Variants in RBL2 observed in about 807,000 individuals in gnomAD.
The protein encoded by RBL2 is retinoblastoma-like protein 2.
A neutral mutation model predicts 126.0 loss-of-function variants in RBL2; 56 were observed. The ratio of observed to expected loss-of-function variants is 0.44; its 90% CI spans 0.36 to 0.56. RBL2 has a LOEUF of 0.56. RBL2 is among the 20% of genes least tolerant of loss of function. The pLI is 0.00. For missense variants in RBL2, 1,229 were observed against 1,398.2 expected, an observed-to-expected ratio of 0.88 and a Z score of 1.93; for synonymous variants, 454 against 478.5, an observed-to-expected ratio of 0.95 and a Z score of 0.67.
At chr16:53,435,851 T>C in intron 1 of RBL2, 1 of 1,073,104 alleles carries the variant, frequency 9.3e-7, no homozygotes, top group South Asian at 1.4e-5. Flanking sequence ...GTTCCCTCTT[T>C]GAATTGTTAG....
chr16:53,463,237 A>G (rs1437458777), intron 11 of RBL2, among the ~76,000 whole-genome samples: 1 of 152,190 alleles, frequency 6.6e-6, no homozygotes, highest in Non-Finnish European at 1.5e-5. Flanking sequence ...CAAAATAAAA[A>G]TCATCTATGA....
At chr16:53,448,642 C>T (rs2058086337) in intron 4 of RBL2, 1 of 152,424 alleles carries the variant, frequency 6.6e-6, no homozygotes, top group East Asian at 1.9e-4. Flanking sequence ...CACCATTATA[C>T]CTGGCTAATT....
At chr16:53,441,446 C>A (rs973744144) in intron 2 of RBL2, among the ~76,000 whole-genome samples, 1 of 152,148 alleles carries the variant, frequency 6.6e-6, no homozygotes, top group Admixed American at 6.5e-5. Flanking sequence ...GTTTTGTTAT[C>A]ATGGAATATT....
chr16:53,471,686 C>A (rs569952330), intron 17 of RBL2, among the ~76,000 whole-genome samples: 131 of 152,232 alleles, frequency 8.6e-4, no homozygotes, highest in Non-Finnish European at 1.5e-3. Context: ...CCAGGCAGGT[C>A]TCAAACTCCT....
rs893456952 is a variant in RBL2, at chr16:53,491,304, A to T, written c.*1004A>T. The T allele has an allele frequency of 5.3e-5, 8 of 152,200 alleles. No homozygotes were observed. Among genetic ancestry groups the T allele is most frequent in the African/African-American group, 1.9e-4 (8 of 41,456 alleles). The allele number at this position is 152,200 out of a possible 1,614,324, so 9.4% of individuals were successfully genotyped here. On this transcript the variant is annotated 3_prime_UTR_variant, in exon 22 of 22. Coordinates refer to ENST00000262133, the MANE Select transcript of RBL2 (RefSeq NM_005611.4). Reference sequence around the variant, plus strand: ...TTGGGTGTTCCTGGCAGTTTAAAAAAATTGGTTGGAGAATTTAGGTTTTTA... The same window carrying T: ...TTGGGTGTTCCTGGCAGTTTAAAAATATTGGTTGGAGAATTTAGGTTTTTA...
At chr16:53,485,630 G>C (rs1483554655) in intron 21 of RBL2, among the ~76,000 whole-genome samples, 1 of 152,036 alleles carries the variant, frequency 6.6e-6, no homozygotes, top group Admixed American at 6.5e-5. Context: ...TGAGGTGGGT[G>C]GACTGCCTGA....
chr16:53,476,557 A>T (rs13332447), intron 17 of RBL2, among the ~76,000 whole-genome samples: 7,924 of 152,256 alleles, frequency 0.052, 626 homozygotes, highest in African/African-American at 0.17. Flanking sequence ...TGCCTAGATC[A>T]TCTCTCCATT....
At chr16:53,486,591 A>G (rs1313016654) in intron 21 of RBL2, among the ~76,000 whole-genome samples, 1 of 152,216 alleles carries the variant, frequency 6.6e-6, no homozygotes, top group African/African-American at 2.4e-5. Context: ...ACAAAATCCA[A>G]CATTCATTAA....
intron 17 of RBL2, 136 bp downstream of exon 17, chr16:53,471,058 A>G (rs1170464989): frequency 2.4e-6 from 2 of 823,584 alleles, no homozygotes; most frequent in Admixed American, 3.0e-5. Flanking sequence ...GGGTCTTAGT[A>G]TATTCACAGA....
chr16:53,446,809 T>TA (rs2058066638), intron 3 of RBL2, among the ~76,000 whole-genome samples: 1 of 152,200 alleles, frequency 6.6e-6, no homozygotes. Context: ...CAAAAAACTT[T>TA]AAAAAATTCT....
chr16:53,465,677 G>A, intron 13 of RBL2, 75 bp downstream of exon 13: 1 of 1,240,786 alleles, frequency 8.1e-7, no homozygotes, highest in Non-Finnish European at 1.1e-6. Context: ...TTGGGGATGG[G>A]AGGGTGGCAA....
At chr16:53,479,033 A>T in intron 17 of RBL2, 121 bp from the exon 18 acceptor site, 1 of 743,622 alleles carries the variant, frequency 1.3e-6, no homozygotes, top group Non-Finnish European at 2.3e-6. Context: ...CCATTTCCAG[A>T]GACTTTAAAT....
intron 11 of RBL2, among the ~76,000 whole-genome samples, chr16:53,463,561 CT>C (rs770657237): frequency 3.5e-3 from 334 of 94,394 alleles, no homozygotes; most frequent in African/African-American, 0.01. Context: ...TTTTTTTTTC[CT>C]TTTTTTTTTT....
intron 11 of RBL2, 52 bp from the exon 12 acceptor site, chr16:53,464,174 T>C: frequency 7.2e-7 from 1 of 1,383,920 alleles, no homozygotes; most frequent in Non-Finnish European, 9.7e-7. Context: ...GGGTATGAAA[T>C]GACTTTTTAG....
intron 4 of RBL2, among the ~76,000 whole-genome samples, chr16:53,450,006 C>G (rs1402406688): frequency 2.4e-5 from 3 of 126,558 alleles, no homozygotes; most frequent in African/African-American, 6.0e-5. Context: ...ACACCAGTAA[C>G]AAGTTTAGGC....
At chr16:53,448,535 G>T (rs1423134257) in intron 4 of RBL2, among the ~76,000 whole-genome samples, 1 of 152,080 alleles carries the variant, frequency 6.6e-6, no homozygotes, top group Non-Finnish European at 1.5e-5. Flanking sequence ...CCAGGCTGGA[G>T]TGCAGTGGTA....
intron 14 of RBL2, 82 bp downstream of exon 14, chr16:53,467,251 A>C: frequency 1.8e-6 from 2 of 1,131,352 alleles, no homozygotes; most frequent in Non-Finnish European, 2.6e-6. Flanking sequence ...AGTGAAGTTA[A>C]TAGGGTATAC....
rs2058152018 is a variant in RBL2, at chr16:53,454,845, G to A, written c.1179+3G>A. On this transcript the variant is annotated splice_donor_region_variant and intron_variant, in intron 8 of 21. Transcript: ENST00000262133. ...TCTTACAGCAGCATTTTGACAAGGTGAGTTTAGCCATGCCAGAAGAGTAGA... is the reference window on the plus strand; with the variant it reads ...TCTTACAGCAGCATTTTGACAAGGTAAGTTTAGCCATGCCAGAAGAGTAGA... 2.5e-6 allele frequency: 4 copies of A among 1,602,956 alleles called. No homozygotes were observed. The African/African-American group carries it at 4.0e-5, about 16-fold the overall frequency.
intron 20 of RBL2, 79 bp downstream of exon 20, chr16:53,480,848 T>G: frequency 9.6e-6 from 13 of 1,348,858 alleles, no homozygotes; most frequent in African/African-American, 1.4e-5. Context: ...ATATGGACCA[T>G]TCACCTGGTC....
Sources: gnomAD v4.1 joint callset for allele counts (sites outside exome capture counted in the v4.1 genomes callset) on GRCh38, gnomAD v4.1.1 for gene constraint, MANE v1.5 for transcripts, NCBI Gene and HGNC (gene_info 2026-07-23, HGNC 2026-07-21) for gene names.